The following RPS6KC1 variants were observed in gnomAD, a reference collection of about 807,000 sequenced individuals.
RPS6KC1 encodes ribosomal protein S6 kinase C1.
In RPS6KC1, 54 loss-of-function variants were observed where a neutral mutation model predicts 103.8. The ratio of observed to expected loss-of-function variants is 0.52; its 90% CI spans 0.42 to 0.65. The LOEUF is 0.65. Among genes scored for constraint, RPS6KC1 ranks in the 30% least tolerant of loss-of-function variants. The probability of loss-of-function intolerance (pLI) is 0.00; values close to 1 mark genes in which losing one functional copy is unlikely to be tolerated. For synonymous variants in RPS6KC1, 439 were observed against 438.7 expected (o/e 1.00, Z -0.01); for missense variants, 1,151 against 1,253.8 (o/e 0.92, Z 1.24).
chr1:213,511,677 C>T, the RPS6KC1 span, among the ~76,000 whole-genome samples: 4 of 152,196 alleles, frequency 2.6e-5, no homozygotes, highest in African/African-American at 9.6e-5. Flanking sequence ...CCTTACTTTT[C>T]CTCCAATAAA....
chr1:213,742,714 T>C, the RPS6KC1 span, among the ~76,000 whole-genome samples: 1 of 152,228 alleles, frequency 6.6e-6, no homozygotes, highest in African/African-American at 2.4e-5. Flanking sequence ...TCTATTGGAA[T>C]GAGGCTCATG....
the RPS6KC1 span, among the ~76,000 whole-genome samples, chr1:213,458,533 G>C: frequency 6.6e-6 from 1 of 151,968 alleles, no homozygotes; most frequent in Non-Finnish European, 1.5e-5. Flanking sequence ...GGTATTGCTG[G>C]GTCAAATGGT....
At chr1:213,380,100 T>A in the RPS6KC1 span, among the ~76,000 whole-genome samples, 2 of 152,074 alleles carry the variant, frequency 1.3e-5, no homozygotes, top group South Asian at 4.1e-4. Context: ...GTAGACTGGA[T>A]AAAGAAAATG....
At chr1:213,455,784 A>C in the RPS6KC1 span, among the ~76,000 whole-genome samples, 1 of 152,174 alleles carries the variant, frequency 6.6e-6, no homozygotes, top group Non-Finnish European at 1.5e-5. Flanking sequence ...GCAATTCTGA[A>C]TTTTTGTCTC....
intron 5 of RPS6KC1, among the ~76,000 whole-genome samples, chr1:213,124,139 A>G (rs938233165): frequency 1.3e-5 from 2 of 152,118 alleles, no homozygotes; most frequent in Non-Finnish European, 2.9e-5. Context: ...GGGCCCTCTA[A>G]TAGCCCTGAG....
intron 6 of RPS6KC1, among the ~76,000 whole-genome samples, chr1:213,138,173 T>C (rs2086599746): frequency 6.6e-6 from 1 of 152,164 alleles, no homozygotes; most frequent in Non-Finnish European, 1.5e-5. Context: ...TACTTGGTTG[T>C]GATATGGATT....
the RPS6KC1 span, among the ~76,000 whole-genome samples, chr1:213,321,878 G>C: frequency 1.3e-5 from 2 of 152,312 alleles, no homozygotes; most frequent in Admixed American, 6.5e-5. Flanking sequence ...GGGATGTCTG[G>C]AGAAAGAGCT....
At chr1:213,360,052 G>A in the RPS6KC1 span, among the ~76,000 whole-genome samples, 2 of 152,100 alleles carry the variant, frequency 1.3e-5, no homozygotes, top group East Asian at 3.9e-4. Flanking sequence ...TGCTGTTCTC[G>A]AGGAGTATCT....
chr1:213,365,481 C>T, the RPS6KC1 span, among the ~76,000 whole-genome samples: 1 of 152,188 alleles, frequency 6.6e-6, no homozygotes, highest in Non-Finnish European at 1.5e-5. Flanking sequence ...TAAAAATAGA[C>T]ACAGTGATGG....
Position 213,262,775 on chromosome 1 carries a change from C to A in RPS6KC1, c.3049C>A (p.Pro1017Thr). The A allele has an allele frequency of 6.2e-7, 1 of 1,613,028 alleles. No homozygotes were observed. The highest frequency in any genetic ancestry group is 8.5e-7 in the Non-Finnish European group (1 of 1,179,022). ...GINTHTTLNM[P>T]ECVSEEARSL... is the part of the protein sequence containing the mutation. ...AAATACTCACACTACTTTGAACATGCCAGAATGTGTCTCTGAAGAGGCTCG... is the reference window on the plus strand; with the variant it reads ...AAATACTCACACTACTTTGAACATGACAGAATGTGTCTCTGAAGAGGCTCG... The change falls in exon 14 of 15, where the codon CCA (proline) becomes ACA (threonine). Residue 1017 changes from proline (P) to threonine (T), a missense_variant. Around this residue, in one of 3 missense-constraint regions of RPS6KC1, gnomAD observed 189 missense variants for 228.8 expected, o/e 0.83. Coordinates refer to ENST00000366960, the MANE Select transcript of RPS6KC1 (RefSeq NM_012424.6).
intron 6 of RPS6KC1, among the ~76,000 whole-genome samples, chr1:213,166,364 G>T (rs1339431216): frequency 6.6e-6 from 1 of 152,150 alleles, no homozygotes; most frequent in Non-Finnish European, 1.5e-5. Context: ...GTATTGTGTA[G>T]AAATAGCAAA....
chr1:213,667,174 G>A, the RPS6KC1 span, among the ~76,000 whole-genome samples: 71 of 151,762 alleles, frequency 4.7e-4, no homozygotes, highest in African/African-American at 1.7e-3. Context: ...TGTACATATT[G>A]AGTAAAATAC....
chr1:213,143,023 A>G (rs1442915388), intron 6 of RPS6KC1, among the ~76,000 whole-genome samples: 1 of 152,094 alleles, frequency 6.6e-6, no homozygotes, highest in Non-Finnish European at 1.5e-5. Context: ...TAGCAAATTT[A>G]AAAGTAAATT....
chr1:213,670,657 TCTGCACCTGGG>T, the RPS6KC1 span, among the ~76,000 whole-genome samples: 4 of 152,146 alleles, frequency 2.6e-5, no homozygotes, highest in African/African-American at 9.7e-5. Context: ...TTGACAAACA[TCTGCACCTGGG>T]CTGCACCTGC....
chr1:213,489,266 G>A, the RPS6KC1 span, among the ~76,000 whole-genome samples: 2 of 152,204 alleles, frequency 1.3e-5, no homozygotes, highest in Admixed American at 6.5e-5. Context: ...CTTTCTGGGT[G>A]TGAAGAGTTG....
the RPS6KC1 span, among the ~76,000 whole-genome samples, chr1:213,609,051 G>A: frequency 6.6e-6 from 1 of 152,080 alleles, no homozygotes; most frequent in Non-Finnish European, 1.5e-5. Flanking sequence ...AGAAAAATAA[G>A]AACACAGAGA....
chr1:213,538,347 G>A, the RPS6KC1 span, among the ~76,000 whole-genome samples: 3 of 152,104 alleles, frequency 2.0e-5, no homozygotes, highest in African/African-American at 7.2e-5. Context: ...CTTTGTGTGA[G>A]AAATCTCTTA....
chr1:213,056,907 T>A (rs1175155363), intron 1 of RPS6KC1, among the ~76,000 whole-genome samples: 1 of 151,354 alleles, frequency 6.6e-6, no homozygotes, highest in African/African-American at 2.4e-5. Context: ...ATCTCCTCCG[T>A]TATCATAATG....
the RPS6KC1 span, among the ~76,000 whole-genome samples, chr1:213,583,909 T>G: frequency 1.3e-5 from 2 of 151,964 alleles, no homozygotes; most frequent in East Asian, 3.9e-4. Context: ...GTATCTGATT[T>G]GTAGGTCTGG....
Sources: gnomAD v4.1 joint callset for allele counts (sites outside exome capture counted in the v4.1 genomes callset) on GRCh38, gnomAD v4.1.1 for gene constraint, gnomAD v4.1.1 regional missense constraint, MANE v1.5 for transcripts, NCBI Gene and HGNC (gene_info 2026-07-23, HGNC 2026-07-21) for gene names.